Variants in NFIB observed in about 807,000 individuals in gnomAD.
NFIB encodes nuclear factor 1 B-type.
Under a neutral mutation model 61.5 loss-of-function variants are expected in NFIB, and 11 were observed. The observed-to-expected ratio is 0.18, with a 90% CI of 0.11 to 0.30. The LOEUF is 0.30. NFIB is among the 10% of genes least tolerant of loss of function. NFIB has a pLI of 1.00. For synonymous variants in NFIB, 260 were observed against 216.5 expected, an observed-to-expected ratio of 1.20 and a Z score of -1.76; for missense variants, 471 against 608.9, an observed-to-expected ratio of 0.77 and a Z score of 2.38.
the NFIB span, among the ~76,000 whole-genome samples, chr9:14,509,732 G>A: frequency 2.6e-5 from 4 of 152,208 alleles, no homozygotes; most frequent in African/African-American, 9.6e-5. Flanking sequence ...ACAAAATGGA[G>A]AAAGATAGAA....
chr9:14,250,060 T>C lies in NFIB; in HGVS notation c.562+56929A>G, dbSNP rs143872739. 2.5e-3 allele frequency among the ~76,000 whole-genome samples: 383 copies of C among 152,276 alleles called. 1 individual carries two copies. Among genetic ancestry groups the C allele is most frequent in the African/African-American group, 8.8e-3 (364 of 41,578 alleles). ...TCTTTCTTCTTTTCTTGATAAGTCT[T>C]AGGGTAACACACCAAGTTTTAAAAC... On this transcript the variant is annotated intron_variant, in intron 2 of 10. Transcript: ENST00000380953.
the NFIB span, among the ~76,000 whole-genome samples, chr9:14,520,263 C>T: frequency 1.3e-5 from 2 of 152,212 alleles, no homozygotes; most frequent in Non-Finnish European, 2.9e-5. Context: ...TTATGAACTA[C>T]ACACATTTTT....
At chr9:14,455,823 G>A in the NFIB span, among the ~76,000 whole-genome samples, 57,819 of 151,968 alleles carry the variant, frequency 0.38, 11,452 homozygotes, top group Admixed American at 0.5. Flanking sequence ...TTTTTAAAAA[G>A]AGGAACATTC....
In NFIB at chr9:14,085,763, C is replaced by A. The variant is rs1587036098; in HGVS notation, c.*2546G>T. On this transcript the variant is annotated 3_prime_UTR_variant, in exon 11 of 11. Coordinates refer to ENST00000380953, the MANE Select transcript of NFIB (RefSeq NM_001190737.2). ...AAGTCACAGGTAAATCATATCCTATCATTAATGAAATGAAATGGGGACGAA... is the reference window on the plus strand; with the variant it reads ...AAGTCACAGGTAAATCATATCCTATAATTAATGAAATGAAATGGGGACGAA... 1.4e-5 allele frequency: 3 copies of A among 219,502 alleles called. No homozygotes were observed. In the East Asian group the frequency reaches 2.0e-4, roughly 15 times the overall value. 13.6% of individuals were successfully genotyped at this position (219,502 alleles called of 1,614,324 possible).
chr9:14,297,005 C>T (rs926454579), intron 2 of NFIB, among the ~76,000 whole-genome samples: 2 of 152,238 alleles, frequency 1.3e-5, no homozygotes, highest in African/African-American at 2.4e-5. Flanking sequence ...CTCCCTACAA[C>T]ACGTGTGTGC....
chr9:14,153,621 G>C (rs1301726642), intron 4 of NFIB, among the ~76,000 whole-genome samples: 3 of 152,068 alleles, frequency 2.0e-5, no homozygotes, highest in Non-Finnish European at 4.4e-5. Context: ...TCATTCAAAA[G>C]AGAGATCACT....
At chr9:14,445,039 T>A in the NFIB span, among the ~76,000 whole-genome samples, 1 of 152,182 alleles carries the variant, frequency 6.6e-6, no homozygotes, top group African/African-American at 2.4e-5. Context: ...ACTCATGATA[T>A]GTTTGTGAGC....
At chr9:14,444,891 A>G in the NFIB span, among the ~76,000 whole-genome samples, 1 of 152,138 alleles carries the variant, frequency 6.6e-6, no homozygotes, top group Non-Finnish European at 1.5e-5. Context: ...TTACATGATA[A>G]TCATTCCTCT....
In NFIB at chr9:14,180,561, G is replaced by A. The variant is rs547358410; in HGVS notation, c.563-781C>T. On this transcript the variant is annotated intron_variant, in intron 2 of 10. Coordinates refer to ENST00000380953, the MANE Select transcript of NFIB (RefSeq NM_001190737.2). ...CAACTGTTAGGCAACATGCCCTTTC[G>A]GACTGATCTGACACTGTTGTGTTTT... 5 of 152,250 alleles carry A rather than the reference G, an allele frequency of 3.3e-5. No homozygotes were observed. The East Asian group carries it at 9.6e-4, about 29-fold the overall frequency. The allele number at this position is 152,250 out of a possible 1,614,324, so 9.4% of individuals were successfully genotyped here.
intron 2 of NFIB, among the ~76,000 whole-genome samples, chr9:14,217,106 G>T (rs1310620362): frequency 1.3e-5 from 2 of 152,128 alleles, no homozygotes; most frequent in African/African-American, 2.4e-5. Context: ...CTTATTTTTG[G>T]TATCAAGGTG....
chr9:14,467,525 AG>A, the NFIB span, among the ~76,000 whole-genome samples: 1 of 152,188 alleles, frequency 6.6e-6, no homozygotes, highest in South Asian at 2.1e-4. Context: ...ACTGGGGTGA[AG>A]GGATATCCTT....
chr9:14,273,631 G>T (rs1329849370), intron 2 of NFIB, among the ~76,000 whole-genome samples: 1 of 152,122 alleles, frequency 6.6e-6, no homozygotes, highest in East Asian at 1.9e-4. Context: ...CCTTAGCAAG[G>T]ATCAGTATTA....
At chr9:14,519,961 TTAA>T in the NFIB span, among the ~76,000 whole-genome samples, 2 of 151,886 alleles carry the variant, frequency 1.3e-5, no homozygotes, top group African/African-American at 4.8e-5. Context: ...CTCTCCCATT[TTAA>T]TTTTAGCTTC....
intron 2 of NFIB, among the ~76,000 whole-genome samples, chr9:14,290,858 C>A (rs980643385): frequency 6.6e-6 from 1 of 152,112 alleles, no homozygotes; most frequent in African/African-American, 2.4e-5. Context: ...TGCATTCATC[C>A]ATTCATTCAA....
intron 2 of NFIB, among the ~76,000 whole-genome samples, chr9:14,202,145 C>CACAG (rs1247524831): frequency 6.6e-6 from 1 of 151,790 alleles, no homozygotes; most frequent in Non-Finnish European, 1.5e-5. Flanking sequence ...CACACACACA[C>CACAG]ACACACACAC....
intron 2 of NFIB, among the ~76,000 whole-genome samples, chr9:14,231,131 A>ATATATATATATATAT (rs1252546393): frequency 9.3e-5 from 7 of 75,450 alleles, no homozygotes; most frequent in African/African-American, 1.7e-4. Context: ...AAAAAAAAAA[A>ATATATATATATATAT]AAAAATATAT....
At chr9:14,096,967 T>C (rs1451207741) in intron 10 of NFIB, among the ~76,000 whole-genome samples, 1 of 152,156 alleles carries the variant, frequency 6.6e-6, no homozygotes. Flanking sequence ...AAATGTCGTG[T>C]TGTACAAATC....
chr9:14,133,189 A>T (rs1272734068), intron 6 of NFIB, among the ~76,000 whole-genome samples: 1 of 152,058 alleles, frequency 6.6e-6, no homozygotes, highest in Non-Finnish European at 1.5e-5. Context: ...GATTTTTTTT[A>T]AAAGAGTTTT....
intron 10 of NFIB, among the ~76,000 whole-genome samples, chr9:14,101,456 T>C (rs765553545): frequency 2.0e-5 from 3 of 152,188 alleles, no homozygotes; most frequent in Non-Finnish European, 4.4e-5. Flanking sequence ...AATATGGAGA[T>C]AGGCAGACGA....
Sources: gnomAD v4.1 joint callset for allele counts (sites outside exome capture counted in the v4.1 genomes callset) on GRCh38, gnomAD v4.1.1 for gene constraint, MANE v1.5 for transcripts, NCBI Gene and HGNC (gene_info 2026-07-23, HGNC 2026-07-21) for gene names.